NELL2: variants seen among roughly 807,000 people sequenced by gnomAD.
NELL2 encodes the protein neural EGFL like 2.
In NELL2, 41 loss-of-function variants were observed where a neutral mutation model predicts 109.6. The ratio of observed to expected loss-of-function variants is 0.37; its 90% CI spans 0.29 to 0.49. The LOEUF is 0.49. NELL2 is among the 20% of genes least tolerant of loss of function. NELL2 has a pLI of 0.98. For missense variants in NELL2, 900 were observed against 1,008.3 expected (o/e 0.89, Z 1.45); for synonymous variants, 355 against 344.7 (o/e 1.03, Z -0.33).
chr12:44,746,067 C>G (rs572969332), intron 9 of NELL2, among the ~76,000 whole-genome samples: 8 of 152,196 alleles, frequency 5.3e-5, no homozygotes, highest in African/African-American at 1.7e-4. Flanking sequence ...GCTACAGTAA[C>G]CAAAACAGCA....
Position 44,508,835 on chromosome 12 carries a change from T to TA in NELL2, c.*98dup. 1.0e-6 allele frequency: 1 copy of TA among 987,960 alleles called. No homozygotes were observed. Among genetic ancestry groups the TA allele is most frequent in the Non-Finnish European group, 1.6e-6 (1 of 639,280 alleles). 61.2% of individuals were successfully genotyped at this position (987,960 alleles called of 1,614,324 possible). ...ACTCAGCTATTAACAAAGCTGCATTTAGCTGCCCACAAATCACCCAATTTA... is the reference window on the plus strand; with the variant it reads ...ACTCAGCTATTAACAAAGCTGCATTTAAGCTGCCCACAAATCACCCAATTTA... On this transcript the variant is annotated 3_prime_UTR_variant, in exon 20 of 20. Transcript: ENST00000429094.
At chr12:44,646,130 C>CT (rs538742536) in intron 13 of NELL2, among the ~76,000 whole-genome samples, 2 of 151,730 alleles carry the variant, frequency 1.3e-5, no homozygotes, top group African/African-American at 4.8e-5. Context: ...ATAAATAGTA[C>CT]TTTTTTTTAA....
chr12:44,905,059 A>G (rs541635021), intron 1 of NELL2, among the ~76,000 whole-genome samples: 105 of 152,204 alleles, frequency 6.9e-4, no homozygotes, highest in Middle Eastern at 3.4e-3. Flanking sequence ...CTTCTTTATC[A>G]GAGTGCTAGT....
At chr12:44,870,982 A>G (rs2136833395) in intron 2 of NELL2, among the ~76,000 whole-genome samples, 1 of 152,292 alleles carries the variant, frequency 6.6e-6, no homozygotes, top group Middle Eastern at 3.4e-3. Flanking sequence ...ATAGCCTACC[A>G]TGTAACCTGG....
chr12:44,759,994 G>C (rs115589044), intron 9 of NELL2, among the ~76,000 whole-genome samples: 2,570 of 152,276 alleles, frequency 0.017, 76 homozygotes, highest in African/African-American at 0.058. Context: ...TTTGGAACCT[G>C]AAAACAATCT....
chr12:44,731,541 C>T (rs527546879), intron 9 of NELL2, among the ~76,000 whole-genome samples: 2 of 152,138 alleles, frequency 1.3e-5, no homozygotes, highest in South Asian at 4.1e-4. Flanking sequence ...CAGAATTCAA[C>T]ACCCTTTTAT....
chr12:44,883,728 T>C lies in NELL2; in HGVS notation c.39-7828A>G, dbSNP rs144888621. 4.9e-3 allele frequency among the ~76,000 whole-genome samples: 750 copies of C among 152,172 alleles called. 19 individuals are homozygous for C. Among genetic ancestry groups the C allele is most frequent in the African/African-American group, 0.017 (707 of 41,434 alleles). On this transcript the variant is annotated intron_variant, in intron 1 of 20. Coordinates refer to the NELL2 transcript ENST00000333837. Reference sequence around the variant, plus strand: ...TAATGGTAAGGTTTCCACATTCCAATTGAAGTAATAACATATGAACTCTAA... The same window carrying C: ...TAATGGTAAGGTTTCCACATTCCAACTGAAGTAATAACATATGAACTCTAA...
intron 1 of NELL2, among the ~76,000 whole-genome samples, chr12:44,908,124 G>T (rs947885663): frequency 6.6e-6 from 1 of 152,024 alleles, no homozygotes; most frequent in African/African-American, 2.4e-5. Context: ...ATGGAAATGT[G>T]TGTGGCATGG....
intron 15 of NELL2, among the ~76,000 whole-genome samples, chr12:44,577,605 G>A (rs1309475480): frequency 6.6e-6 from 1 of 151,014 alleles, no homozygotes; most frequent in Non-Finnish European, 1.5e-5. Context: ...AGCCTCCCGA[G>A]TAGCTGGGAA....
intron 13 of NELL2, among the ~76,000 whole-genome samples, chr12:44,618,831 T>A (rs1398174048): frequency 1.3e-5 from 2 of 152,220 alleles, no homozygotes; most frequent in Non-Finnish European, 2.9e-5. Flanking sequence ...TACTACAGAC[T>A]GCAAAGCACT....
intron 15 of NELL2, among the ~76,000 whole-genome samples, chr12:44,568,280 C>A (rs1200191634): frequency 6.6e-6 from 1 of 152,122 alleles, no homozygotes; most frequent in Non-Finnish European, 1.5e-5. Context: ...CACATAATCA[C>A]ATAGTGAGAA....
chr12:44,851,291 A>C (rs1455903360), intron 2 of NELL2, among the ~76,000 whole-genome samples: 1 of 152,078 alleles, frequency 6.6e-6, no homozygotes, highest in African/African-American at 2.4e-5. Context: ...CAAGAGGAAT[A>C]ATGAATTCAT....
chr12:44,619,547 G>C (rs1945967908), intron 13 of NELL2, among the ~76,000 whole-genome samples: 1 of 151,950 alleles, frequency 6.6e-6, no homozygotes, highest in Non-Finnish European at 1.5e-5. Context: ...TTCCATTCGA[G>C]TTAGATTATT....
chr12:44,635,133 G>GT (rs1246080315), intron 13 of NELL2, among the ~76,000 whole-genome samples: 4 of 151,496 alleles, frequency 2.6e-5, no homozygotes, highest in Admixed American at 2.0e-4. Context: ...GGGGTTGTTT[G>GT]TTTTTTTCTT....
intron 9 of NELL2, among the ~76,000 whole-genome samples, chr12:44,748,818 C>G (rs1368011216): frequency 6.6e-6 from 1 of 151,972 alleles, no homozygotes; most frequent in Non-Finnish European, 1.5e-5. Flanking sequence ...AGTATTCAAA[C>G]AATAAAATCA....
intron 16 of NELL2, among the ~76,000 whole-genome samples, chr12:44,525,695 C>T (rs574073209): frequency 4.6e-5 from 7 of 152,246 alleles, no homozygotes; most frequent in Non-Finnish European, 8.8e-5. Context: ...CTTTAGTGAG[C>T]GATTATTGAA....
At position 44,665,546 on chromosome 12, in the gene NELL2, G is replaced by A. The variant is rs763236601; in HGVS notation, c.1382C>T (p.Pro461Leu). 53 of 1,613,344 alleles carry A rather than the reference G, an allele frequency of 3.3e-5. No individual in the cohort carries two copies. Among genetic ancestry groups the A allele is most frequent in the Non-Finnish European group, 3.6e-5 (42 of 1,179,472 alleles). The part of the protein sequence containing the change: ...CRENTMCVNT[P>L]GSFMCICKTG... ...TTTGCAGATGCACATAAAAGAACCCGGGGTGTTGACACACATTGTATTTTC... is the reference window on the plus strand; with the variant it reads ...TTTGCAGATGCACATAAAAGAACCCAGGGTGTTGACACACATTGTATTTTC... Residue 461 changes from proline (P) to leucine (L), a missense_variant, in exon 13 of 20, where the codon CCG becomes CTG. Pro to Leu is a moderately conservative substitution (Grantham distance 98, BLOSUM62 -3). Around this residue, in one of 4 missense-constraint regions of NELL2, gnomAD observed 292 missense variants for 265.3 expected, o/e 1.10. Transcript: ENST00000429094.
intron 15 of NELL2, among the ~76,000 whole-genome samples, chr12:44,565,831 A>G (rs1005357547): frequency 1.3e-5 from 2 of 152,204 alleles, no homozygotes; most frequent in African/African-American, 4.8e-5. Context: ...CTAGTGGGGA[A>G]GGAATGGGAA....
At chr12:44,718,284 C>T (rs1294064494) in intron 9 of NELL2, among the ~76,000 whole-genome samples, 3 of 152,154 alleles carry the variant, frequency 2.0e-5, no homozygotes, top group East Asian at 1.9e-4. Flanking sequence ...TAACAATAAT[C>T]GCTGGCTACC....
Sources: gnomAD v4.1 joint callset for allele counts (sites outside exome capture counted in the v4.1 genomes callset) on GRCh38, gnomAD v4.1.1 for gene constraint, gnomAD v4.1.1 regional missense constraint, MANE v1.5 for transcripts, NCBI Gene and HGNC (gene_info 2026-07-23, HGNC 2026-07-21) for gene names.